Variants in ETV1 observed in about 807,000 individuals in gnomAD.
ETV1 encodes the protein ETS variant transcription factor 1, also known as ETS translocation variant 1.
A neutral mutation model predicts 62.3 loss-of-function variants in ETV1; 27 were observed. The observed-to-expected ratio is 0.43, with a 90% confidence interval of 0.32 to 0.60. ETV1 has a LOEUF of 0.60. Among genes scored for constraint, ETV1 ranks in the 20% least tolerant of loss-of-function variants. The pLI, the probability that ETV1 is intolerant of heterozygous loss-of-function variation, is 0.06. For missense variants in ETV1, 605 were observed against 605.8 expected, an observed-to-expected ratio of 1.00 and a Z score of 0.01; for synonymous variants, 222 against 199.6, an observed-to-expected ratio of 1.11 and a Z score of -0.94.
chr7:13,990,830 A>C (rs1782969773), upstream of ETV1: 1 of 152,164 alleles, frequency 6.6e-6, no homozygotes, highest in African/African-American at 2.4e-5. Flanking sequence ...CTAGTGACCA[A>C]AAGACGTTTC....
chr7:13,927,487 AT>A (rs1240066810), intron 9 of ETV1, among the ~76,000 whole-genome samples: 1 of 152,172 alleles, frequency 6.6e-6, no homozygotes, highest in African/African-American at 2.4e-5. Context: ...TGCTTTTTAC[AT>A]TGTTTTTAAA....
intron 13 of ETV1, among the ~76,000 whole-genome samples, 160 bp from the exon 14 acceptor site, chr7:13,896,247 A>AG (rs1373266070): frequency 6.6e-6 from 1 of 151,988 alleles, no homozygotes; most frequent in East Asian, 1.9e-4. Flanking sequence ...AAAAAAAAAA[A>AG]AGTCTTTACT....
At chr7:13,926,961 A>AT (rs1193127279) in intron 9 of ETV1, among the ~76,000 whole-genome samples, 2 of 152,172 alleles carry the variant, frequency 1.3e-5, no homozygotes, top group Non-Finnish European at 2.9e-5. Flanking sequence ...ATTATAACTA[A>AT]TAGACCTTCC....
At chr7:13,931,855 A>T in intron 8 of ETV1, 106 bp from the exon 9 acceptor site, 1 of 1,335,768 alleles carries the variant, frequency 7.5e-7, no homozygotes, top group South Asian at 1.4e-5. Context: ...ATACCAGCTG[A>T]CCTGAAGCGT....
chr7:13,967,771 G>A (rs140786482), intron 6 of ETV1, among the ~76,000 whole-genome samples: 1 of 152,164 alleles, frequency 6.6e-6, no homozygotes, highest in Admixed American at 6.5e-5. Flanking sequence ...AGGTCCACAT[G>A]TACTAGTTTA....
intron 9 of ETV1, among the ~76,000 whole-genome samples, chr7:13,918,020 A>G (rs1020638261): frequency 6.6e-6 from 1 of 152,106 alleles, no homozygotes; most frequent in African/African-American, 2.4e-5. Context: ...AGCTGCCAAA[A>G]TGGGCCACAC....
chr7:13,966,938 T>C (rs540896659), intron 6 of ETV1, among the ~76,000 whole-genome samples: 22 of 152,120 alleles, frequency 1.4e-4, no homozygotes, highest in Non-Finnish European at 2.9e-4. Flanking sequence ...CAAAACACAT[T>C]TGTTGAATGA....
chr7:13,962,990 G>A (rs1279782607), intron 6 of ETV1, among the ~76,000 whole-genome samples: 1 of 151,986 alleles, frequency 6.6e-6, no homozygotes, highest in Admixed American at 6.6e-5. Context: ...ACATTTTACT[G>A]GAATGCATAC....
At chr7:13,948,460 G>A (rs764330128) in intron 6 of ETV1, among the ~76,000 whole-genome samples, 3 of 152,108 alleles carry the variant, frequency 2.0e-5, no homozygotes, top group East Asian at 1.9e-4. Context: ...TTGAGGTTGC[G>A]TTTTCTGGTC....
At position 13,895,579 on chromosome 7, in the gene ETV1, C is replaced by G. The variant is rs563806333; in HGVS notation, c.*287G>C. ...TTCATCATACTCAAAACTTGTAGGA[C>G]CCCATCCCAAGCCTAAGTAAAAAGT... On this transcript the variant is annotated 3_prime_UTR_variant, in exon 14 of 14. Transcript: ENST00000430479. 2.6e-6 allele frequency: 1 copy of G among 388,210 alleles called. No individual in the cohort carries two copies. The highest frequency in any genetic ancestry group is 4.7e-6 in the Non-Finnish European group (1 of 214,884). 24.0% of individuals were successfully genotyped at this position (388,210 alleles called of 1,614,324 possible).
At chr7:13,941,898 TAAATAAATA>T (rs1209941397) in intron 6 of ETV1, among the ~76,000 whole-genome samples, 3 of 143,456 alleles carry the variant, frequency 2.1e-5, no homozygotes, top group Admixed American at 6.8e-5. Context: ...AATAAATAAA[TAAATAAATA>T]AAGTAAGAAA....
chr7:13,986,787 T>A, intron 4 of ETV1, 102 bp from the exon 5 acceptor site: 1 of 870,374 alleles, frequency 1.1e-6, no homozygotes, highest in Non-Finnish European at 1.8e-6. Context: ...TAAATTTAAT[T>A]TCAAGAGACG....
intron 7 of ETV1, among the ~76,000 whole-genome samples, chr7:13,936,782 C>G (rs1786851129): frequency 6.6e-6 from 1 of 152,136 alleles, no homozygotes; most frequent in South Asian, 2.1e-4. Flanking sequence ...GGCTCATGCC[C>G]CTGATCCTAG....
At chr7:13,931,883 T>A in intron 8 of ETV1, 134 bp from the exon 9 acceptor site, 1 of 1,063,026 alleles carries the variant, frequency 9.4e-7, no homozygotes, top group South Asian at 1.7e-5. Context: ...TAACAAGCAT[T>A]ACGTTTTTCT....
intron 9 of ETV1, among the ~76,000 whole-genome samples, chr7:13,915,952 G>A (rs1562608163): frequency 1.3e-5 from 2 of 152,194 alleles, no homozygotes; most frequent in African/African-American, 4.8e-5. Context: ...TAAACTTGAT[G>A]TGAATGTAAC....
chr7:13,934,509 C>T lies in ETV1; in HGVS notation c.554+1199G>A, dbSNP rs187146715. The stretch of plus-strand genomic sequence containing the variant: ...TCCTTTGGCTGAGTTATTTTTACAA[C>T]GGTGTCTCAGGGCCAGTTTGCACTG... On this transcript the variant is annotated intron_variant, in intron 8 of 13. Coordinates refer to ENST00000430479, the MANE Select transcript of ETV1 (RefSeq NM_004956.5). 9.2e-4 allele frequency among the ~76,000 whole-genome samples: 140 copies of T among 152,288 alleles called. 2 individuals carry two copies. The highest frequency in any genetic ancestry group is 2.8e-3 in the African/African-American group (115 of 41,556).
At chr7:13,952,608 T>A (rs2237290) in intron 6 of ETV1, among the ~76,000 whole-genome samples, 91,774 of 151,948 alleles carry the variant, frequency 0.6, 28,453 homozygotes, top group African/African-American at 0.75. Context: ...CGGTTAACAT[T>A]TTAAAACACT....
intron 6 of ETV1, among the ~76,000 whole-genome samples, chr7:13,939,648 T>G (rs2128459986): frequency 6.6e-6 from 1 of 152,320 alleles, no homozygotes; most frequent in Non-Finnish European, 1.5e-5. Flanking sequence ...TTTTAAGCAT[T>G]ATTGAAAGGA....
intron 6 of ETV1, among the ~76,000 whole-genome samples, chr7:13,948,622 G>C (rs6461058): frequency 0.86 from 131,088 of 152,122 alleles, 56,541 homozygotes; most frequent in East Asian, 1. Flanking sequence ...TTTCGGTCTA[G>C]TCTAGGGCTA....
Sources: allele counts gnomAD v4.1 joint callset (sites outside exome capture counted in the v4.1 genomes callset), GRCh38; gene constraint gnomAD v4.1.1; transcripts MANE v1.5; gene names NCBI Gene and HGNC (gene_info 2026-07-23, HGNC 2026-07-21).